The following VAV3 variants were observed in gnomAD, a reference collection of about 807,000 sequenced individuals.
VAV3 encodes the protein guanine nucleotide exchange factor VAV3.
A neutral mutation model predicts 131.2 loss-of-function variants in VAV3; 94 were observed. The observed-to-expected ratio is 0.72, with a 90% CI of 0.61 to 0.85. The LOEUF (loss-of-function observed/expected upper bound fraction) is 0.85. VAV3 is among the 40% of genes least tolerant of loss of function. VAV3 has a pLI of 0.00. For synonymous variants in VAV3, 349 were observed against 342.0 expected (o/e 1.02, Z -0.22); for missense variants, 939 against 1,002.7 (o/e 0.94, Z 0.86).
intron 12 of VAV3, among the ~76,000 whole-genome samples, chr1:107,753,450 T>C (rs1663861561): frequency 6.7e-6 from 1 of 148,890 alleles, no homozygotes; most frequent in Admixed American, 6.7e-5. Flanking sequence ...TATATATTTA[T>C]AGCATTAATG....
chr1:107,653,772 T>C (rs12401803), intron 19 of VAV3, among the ~76,000 whole-genome samples: 18,622 of 150,748 alleles, frequency 0.12, 1,306 homozygotes, highest in South Asian at 0.22. Context: ...TTTTTGAAAA[T>C]AGATAAAATT....
chr1:107,962,249 T>C (rs1449483963), intron 1 of VAV3, among the ~76,000 whole-genome samples: 1 of 152,208 alleles, frequency 6.6e-6, no homozygotes, highest in African/African-American at 2.4e-5. Flanking sequence ...TACATTCTGC[T>C]GGGACATGAC....
At chr1:107,842,956 T>G (rs927440183) in intron 2 of VAV3, among the ~76,000 whole-genome samples, 1 of 152,014 alleles carries the variant, frequency 6.6e-6, no homozygotes, top group Non-Finnish European at 1.5e-5. Context: ...TGAGGAACTT[T>G]ATCTATGATG....
intron 24 of VAV3, among the ~76,000 whole-genome samples, chr1:107,597,220 A>G (rs1253664871): frequency 9.3e-6 from 1 of 107,636 alleles, no homozygotes; most frequent in Non-Finnish European, 1.9e-5. Flanking sequence ...TTTTAAAAAT[A>G]AAAAATAAAA....
At chr1:107,885,915 G>A (rs1671010238) in intron 1 of VAV3, among the ~76,000 whole-genome samples, 1 of 152,176 alleles carries the variant, frequency 6.6e-6, no homozygotes, top group Admixed American at 6.5e-5. Context: ...TCTTGAGAAA[G>A]AGAGAAACAC....
chr1:107,952,487 C>CGTATATATATATAT (rs1557943615), intron 1 of VAV3, among the ~76,000 whole-genome samples: 2 of 133,472 alleles, frequency 1.5e-5, no homozygotes, highest in Admixed American at 7.3e-5. Flanking sequence ...TATATATATA[C>CGTATATATATATAT]ACACATAAAT....
At chr1:107,595,513 G>T (rs368571419) in intron 25 of VAV3, among the ~76,000 whole-genome samples, 4 of 152,216 alleles carry the variant, frequency 2.6e-5, no homozygotes, top group African/African-American at 9.6e-5. Context: ...AGTGATATCA[G>T]ATTAAGAAAA....
chr1:107,815,745 G>C (rs1483615210), intron 2 of VAV3, among the ~76,000 whole-genome samples: 1 of 152,152 alleles, frequency 6.6e-6, no homozygotes, highest in Non-Finnish European at 1.5e-5. Flanking sequence ...GTACCTAGTA[G>C]CAATATCTCC....
At chr1:107,671,527 T>A (rs760710524) in intron 19 of VAV3, among the ~76,000 whole-genome samples, 2 of 152,210 alleles carry the variant, frequency 1.3e-5, no homozygotes, top group Non-Finnish European at 2.9e-5. Flanking sequence ...AAGTTGAAAT[T>A]TTCATACTTA....
chr1:107,952,485 T>TACACAC (rs373737009), intron 1 of VAV3, among the ~76,000 whole-genome samples: 1 of 94,450 alleles, frequency 1.1e-5, no homozygotes, highest in East Asian at 3.3e-4. Flanking sequence ...TATATATATA[T>TACACAC]ACACACATAA....
At chr1:107,593,299 T>C (rs1651116396) in intron 25 of VAV3, among the ~76,000 whole-genome samples, 1 of 152,150 alleles carries the variant, frequency 6.6e-6, no homozygotes. Flanking sequence ...TCTACGAACA[T>C]TCTAACCTAG....
At chr1:107,771,770 C>T (rs889932980) in intron 5 of VAV3, among the ~76,000 whole-genome samples, 20 of 152,218 alleles carry the variant, frequency 1.3e-4, no homozygotes, top group Non-Finnish European at 4.4e-5. Flanking sequence ...ACTGCCCTTG[C>T]GGGAGACAGT....
At chr1:107,705,889 T>C (rs567092000) in intron 15 of VAV3, among the ~76,000 whole-genome samples, 1 of 152,290 alleles carries the variant, frequency 6.6e-6, no homozygotes, top group African/African-American at 2.4e-5. Flanking sequence ...GGTCTTTGCT[T>C]TTGGCCACTG....
At chr1:107,914,464 T>C (rs1672518783) in intron 1 of VAV3, among the ~76,000 whole-genome samples, 1 of 152,218 alleles carries the variant, frequency 6.6e-6, no homozygotes, top group Non-Finnish European at 1.5e-5. Context: ...TGAGTCCTAA[T>C]GCCATCACTC....
chr1:107,879,028 CATT>C (rs954318243), intron 1 of VAV3, among the ~76,000 whole-genome samples: 7 of 152,022 alleles, frequency 4.6e-5, no homozygotes, highest in African/African-American at 1.5e-4. Context: ...CAATTGCCAT[CATT>C]ATTTTTTTAA....
chr1:107,644,031 A>G (rs956172596), intron 19 of VAV3, among the ~76,000 whole-genome samples: 2 of 152,050 alleles, frequency 1.3e-5, no homozygotes, highest in African/African-American at 4.8e-5. Flanking sequence ...TTAATCTCAC[A>G]TTCATGGAGC....
chr1:107,802,193 T>A (rs966097197), intron 2 of VAV3, among the ~76,000 whole-genome samples: 1 of 152,152 alleles, frequency 6.6e-6, no homozygotes, highest in Non-Finnish European at 1.5e-5. Context: ...GATTTTTGCA[T>A]GTTGGTTTTG....
chr1:107,738,357 AAAAAG>A (rs571480157), intron 15 of VAV3, among the ~76,000 whole-genome samples: 27 of 152,366 alleles, frequency 1.8e-4, no homozygotes, highest in Admixed American at 5.2e-4. Context: ...GCATATTAAA[AAAAAG>A]AAAAGAAAAG....
chr1:107,788,439 T>C (rs61797407), intron 2 of VAV3, among the ~76,000 whole-genome samples: 17,833 of 152,044 alleles, frequency 0.12, 1,181 homozygotes, highest in Non-Finnish European at 0.14. Context: ...GGCCAACACA[T>C]AGAAATTCCA....
Sources: allele counts gnomAD v4.1 joint callset (sites outside exome capture counted in the v4.1 genomes callset), GRCh38; gene constraint gnomAD v4.1.1; transcripts MANE v1.5; gene names NCBI Gene and HGNC (gene_info 2026-07-23, HGNC 2026-07-21).